Variants in KBTBD7 observed in about 807,000 individuals in gnomAD.
KBTBD7 encodes kelch repeat and BTB domain containing 7, also known as kelch repeat and BTB domain-containing protein 7.
In KBTBD7, 25 loss-of-function variants were observed where a neutral mutation model predicts 50.3. The ratio of observed to expected loss-of-function variants is 0.50; its 90% CI spans 0.36 to 0.69. KBTBD7 has a LOEUF of 0.69. Ranked by LOEUF, KBTBD7 falls within the 30% of genes least tolerant of loss-of-function variation. The pLI, the probability that KBTBD7 is intolerant of heterozygous loss-of-function variation, is 0.00. For missense variants in KBTBD7, 653 were observed against 869.5 expected, an observed-to-expected ratio of 0.75 and a Z score of 3.13; for synonymous variants, 305 against 325.3, an observed-to-expected ratio of 0.94 and a Z score of 0.67.
Position 41,191,970 on chromosome 13 carries a change from C to T in KBTBD7, c.*233G>A. The T allele has an allele frequency of 2.4e-6, 1 of 419,082 alleles. No homozygotes were observed. The highest frequency in any genetic ancestry group is 4.2e-6 in the Non-Finnish European group (1 of 236,986). 26.0% of individuals were successfully genotyped at this position (419,082 alleles called of 1,614,324 possible). On this transcript the variant is annotated 3_prime_UTR_variant, in exon 1 of 1. Transcript: ENST00000379483. ...ACAATGAAAAAAACCTACCAAGCATCCTAATCAATTATATAGTTCTTGCTT... is the reference window on the plus strand; with the variant it reads ...ACAATGAAAAAAACCTACCAAGCATTCTAATCAATTATATAGTTCTTGCTT...
chr13:41,194,079 C>T lies in KBTBD7; in HGVS notation c.179G>A (p.Arg60Gln), dbSNP rs760952920. The T allele has an allele frequency of 3.7e-6, 6 of 1,614,194 alleles. No homozygotes were observed. In the Admixed American group the frequency reaches 5.0e-5, roughly 13 times the overall value. Reference sequence around the variant, plus strand: ...CTCGATGGTCACATCACACAGCAGCCGCGCGTCGTAGAAGGACTTGAGCTG... The same window carrying T: ...CTCGATGGTCACATCACACAGCAGCTGCGCGTCGTAGAAGGACTTGAGCTG... ...LAQLKSFYDA[R>Q]LLCDVTIEVV... The change falls in exon 1 of 1, where the codon CGG (arginine) becomes CAG (glutamine). Residue 60 changes from arginine (R) to glutamine (Q), a missense_variant. Arg to Gln is a conservative substitution (Grantham distance 43). Coordinates refer to ENST00000379483, the MANE Select transcript of KBTBD7 (RefSeq NM_032138.7).
In KBTBD7 at chr13:41,193,466, G is replaced by C. The variant is rs762895578; in HGVS notation, c.792C>G (p.Cys264Trp). Residue 264 changes from cysteine (C) to tryptophan (W), a missense_variant, in exon 1 of 1, where the codon TGC becomes TGG. Coordinates refer to ENST00000379483, the MANE Select transcript of KBTBD7 (RefSeq NM_032138.7). This position sits in a 1 kb window ranked among gnomAD's most constrained non-coding sequence, Gnocchi z 5.7. ...CTTCAGTGAAGTGCATCCAGCGCAC[G>C]CACTTGAAGACTTCTGCAGCACTGG... ...RGPSAAEVFK[C>W]VRWMHFTEED... is the part of the protein sequence containing the mutation. The C allele has an allele frequency of 6.2e-7, 1 of 1,614,130 alleles. No homozygotes were observed. Among genetic ancestry groups the C allele is most frequent in the South Asian group, 1.1e-5 (1 of 91,072 alleles).
chr13:41,191,949 T>C lies in KBTBD7; in HGVS notation c.*254A>G, dbSNP rs1331913044. ...CACTGTGCAATGAATATTTGAACAATGAAAAAAACCTACCAAGCATCCTAA... is the reference window on the plus strand; with the variant it reads ...CACTGTGCAATGAATATTTGAACAACGAAAAAAACCTACCAAGCATCCTAA... On this transcript the variant is annotated 3_prime_UTR_variant, in exon 1 of 1. Coordinates refer to ENST00000379483, the MANE Select transcript of KBTBD7 (RefSeq NM_032138.7). 2 of 382,416 alleles carry C rather than the reference T, an allele frequency of 5.2e-6. No homozygotes were observed. The highest frequency in any genetic ancestry group is 2.1e-5 in the African/African-American group (1 of 48,738). 23.7% of individuals were successfully genotyped at this position (382,416 alleles called of 1,614,324 possible).
Position 41,190,702 on chromosome 13 carries a change from A to C in KBTBD7, c.*1501T>G, listed in dbSNP as rs763933471. 1.3e-5 allele frequency: 2 copies of C among 152,090 alleles called. No homozygotes were observed. The highest frequency in any genetic ancestry group is 2.9e-5 in the Non-Finnish European group (2 of 67,960). The allele number at this position is 152,090 out of a possible 1,614,324, so 9.4% of individuals were successfully genotyped here. ...AAACCTTCAAAAGGTAAGCACCTAT[A>C]TTTTCTTGTAATTAACAATTTTAGT... On this transcript the variant is annotated 3_prime_UTR_variant, in exon 1 of 1. Coordinates refer to ENST00000379483, the MANE Select transcript of KBTBD7 (RefSeq NM_032138.7).
Position 41,194,252 on chromosome 13 carries a change from C to T in KBTBD7, c.6G>A (p.Gln2=). ...GAGAGCGCGGGACGTCTTCCCGGGA[C>T]TGCATGGTGGAGATGGCGACGGGCG... M[Q]SREDVPRSRR... is the part of the protein sequence containing the mutation. The change falls in exon 1 of 1, where the codon CAG becomes CAA. Residue 2 remains glutamine, a synonymous_variant. Transcript: ENST00000379483. 1 of 1,613,408 alleles carries T rather than the reference C, an allele frequency of 6.2e-7. No homozygotes were observed. Among genetic ancestry groups the T allele is most frequent in the South Asian group, 1.1e-5 (1 of 91,058 alleles).
At position 41,194,463 on chromosome 13, in the gene KBTBD7, G is replaced by T. The variant is rs2031482763; in HGVS notation, c.-206C>A. 4 of 675,558 alleles carry T rather than the reference G, an allele frequency of 5.9e-6. No individual in the cohort carries two copies. Among genetic ancestry groups the T allele is most frequent in the Non-Finnish European group, 9.9e-6 (4 of 404,654 alleles). The allele number at this position is 675,558 out of a possible 1,614,324, so 41.8% of individuals were successfully genotyped here. A position where few individuals can be genotyped will look rare whatever the true frequency, so the allele number is the denominator to read the frequency against. On this transcript the variant is annotated 5_prime_UTR_variant, in exon 1 of 1. Transcript: ENST00000379483. ...GGCTGACTCACCCTCTCTCACTCCC[G>T]CGCCCTTTCTCCGCCTCCGCTCGCC...
Position 41,192,886 on chromosome 13 carries a change from T to C in KBTBD7, c.1372A>G (p.Ser458Gly). ...GVKLKEVECY[S>G]VQRNQWALVA... Reference sequence around the variant, plus strand: ...AATGCCCACTGGTTTCTCTGAACACTGTAGCATTCCACTTCCTTCAACTTA... The same window carrying C: ...AATGCCCACTGGTTTCTCTGAACACCGTAGCATTCCACTTCCTTCAACTTA... Residue 458 changes from serine to glycine, a missense_variant, in exon 1 of 1, where the codon AGT becomes GGT. Ser to Gly is a moderately conservative substitution (Grantham distance 56, BLOSUM62 0). Coordinates refer to ENST00000379483, the MANE Select transcript of KBTBD7 (RefSeq NM_032138.7). The C allele has an allele frequency of 1.2e-6, 2 of 1,614,242 alleles. No individual in the cohort carries two copies. Among genetic ancestry groups the C allele is most frequent in the Non-Finnish European group, 1.7e-6 (2 of 1,180,046 alleles).
rs918417085 is a variant in KBTBD7, at chr13:41,190,284, G to A, written c.*1919C>T. The A allele has an allele frequency of 1.3e-5, 2 of 152,142 alleles. No homozygotes were observed. Among genetic ancestry groups the A allele is most frequent in the African/African-American group, 4.8e-5 (2 of 41,426 alleles). The allele number at this position is 152,142 out of a possible 1,614,324, so 9.4% of individuals were successfully genotyped here. The stretch of plus-strand genomic sequence containing the variant: ...ATTTAGCTTTAGGTCACTAAAGCAT[G>A]TTTACCCTTTTGAAGAAACATGTAT... On this transcript the variant is annotated 3_prime_UTR_variant, in exon 1 of 1. Transcript: ENST00000379483.
Position 41,192,111 on chromosome 13 carries a change from C to G in KBTBD7, c.*92G>C, listed in dbSNP as rs1270746599. ...ACCCTTTCTAAACCAAATCTGTGGT[C>G]CTAATCAACTTTTTTTCCAAGAAAA... On this transcript the variant is annotated 3_prime_UTR_variant, in exon 1 of 1. Transcript: ENST00000379483. The G allele has an allele frequency of 1.6e-6, 2 of 1,286,770 alleles. No individual in the cohort carries two copies. Among genetic ancestry groups the G allele is most frequent in the East Asian group, 4.6e-5 (2 of 43,142 alleles). 79.7% of individuals were successfully genotyped at this position (1,286,770 alleles called of 1,614,324 possible). A position where few individuals can be genotyped will look rare whatever the true frequency, so the allele number is the denominator to read the frequency against.
chr13:41,193,174 A>G lies in KBTBD7; in HGVS notation c.1084T>C (p.Tyr362His), dbSNP rs749958904. 1.6e-5 allele frequency: 26 copies of G among 1,614,168 alleles called. No individual in the cohort carries two copies. The highest frequency in any genetic ancestry group is 2.2e-5 in the Non-Finnish European group (26 of 1,180,022). ...PRDPFLCYDP[Y>H]SGDIYTMPSP... Reference sequence around the variant, plus strand: ...GGCATTGTGTAAATGTCCCCCGAGTAAGGGTCATAGCAGAGAAAGGGATCT... The same window carrying G: ...GGCATTGTGTAAATGTCCCCCGAGTGAGGGTCATAGCAGAGAAAGGGATCT... The change falls in exon 1 of 1, where the codon TAC (tyrosine) becomes CAC (histidine). Residue 362 changes from tyrosine to histidine, a missense_variant. Transcript: ENST00000379483. This position sits in a 1 kb window ranked among gnomAD's most constrained non-coding sequence, Gnocchi z 5.7.
chr13:41,192,456 A>G lies in KBTBD7; in HGVS notation c.1802T>C (p.Met601Thr). The G allele has an allele frequency of 6.2e-7, 1 of 1,614,182 alleles. No homozygotes were observed. Among genetic ancestry groups the G allele is most frequent in the East Asian group, 2.2e-5 (1 of 44,882 alleles). The change falls in exon 1 of 1, where the codon ATG (methionine) becomes ACG (threonine). Residue 601 changes from methionine to threonine, a missense_variant. By Grantham distance (81) the Met-to-Thr change is moderately conservative (BLOSUM62 -1). Transcript: ENST00000379483. ...REDQWINIGT[M>T]LGLLQFDSGF... ...AGAGTCAAACTGCAAAAGGCCTAAC[A>G]TGGTACCTATATTAATCCACTGATC...
At position 41,190,428 on chromosome 13, in the gene KBTBD7, T is replaced by A. The variant is rs2031357541; in HGVS notation, c.*1775A>T. 1 of 152,196 alleles carries A rather than the reference T, an allele frequency of 6.6e-6. No homozygotes were observed. Among genetic ancestry groups the A allele is most frequent in the Admixed American group, 6.5e-5 (1 of 15,280 alleles). The allele number at this position is 152,196 out of a possible 1,614,324, so 9.4% of individuals were successfully genotyped here. A position where few individuals can be genotyped will look rare whatever the true frequency, so the allele number is the denominator to read the frequency against. ...GTTTTTTTGTTTGTTTGTTTTTTCA[T>A]CCTTTCTCTTTCCTTTTCGTTCAAA... On this transcript the variant is annotated 3_prime_UTR_variant, in exon 1 of 1. Coordinates refer to ENST00000379483, the MANE Select transcript of KBTBD7 (RefSeq NM_032138.7).
At position 41,194,365 on chromosome 13, in the gene KBTBD7, G is replaced by A; in HGVS notation, c.-108C>T. 1 of 1,432,672 alleles carries A rather than the reference G, an allele frequency of 7.0e-7. No homozygotes were observed. Among genetic ancestry groups the A allele is most frequent in the South Asian group, 1.4e-5 (1 of 72,876 alleles). 88.7% of individuals were successfully genotyped at this position (1,432,672 alleles called of 1,614,324 possible). On this transcript the variant is annotated 5_prime_UTR_variant, in exon 1 of 1. Transcript: ENST00000379483. ...CTAAGACAAGCCGCGTCCTGGAACA[G>A]ACTGCGGCACGGGCCGCACTTCTGA...
rs1480391510 is a variant in KBTBD7 at position 41,192,751 on chromosome 13, T to C, written c.1507A>G (p.Met503Val). The change falls in exon 1 of 1, where the codon ATG becomes GTG. Residue 503 changes from methionine to valine, a missense_variant. By Grantham distance (21) the Met-to-Val change is conservative (BLOSUM62 1). This residue lies in a region of KBTBD7 where 526 missense variants were observed against 717.1 expected (regional missense o/e 0.73). Coordinates refer to ENST00000379483, the MANE Select transcript of KBTBD7 (RefSeq NM_032138.7). Reference protein sequence around the residue: ...RMLCYDPSHNMWLNCASLKRS... With the variant: ...RMLCYDPSHNVWLNCASLKRS... ...TTAAGAGAAGCACAGTTCAGCCACA[T>C]ATTGTGGCTAGGATCATAGCAAAGC... 6.2e-7 allele frequency: 1 copy of C among 1,613,900 alleles called. No individual in the cohort carries two copies. Among genetic ancestry groups the C allele is most frequent in the East Asian group, 2.2e-5 (1 of 44,886 alleles).
At position 41,193,583 on chromosome 13, in the gene KBTBD7, G is replaced by A. The variant is rs1430713859; in HGVS notation, c.675C>T (p.Val225=). The A allele has an allele frequency of 2.5e-6, 4 of 1,614,110 alleles. No homozygotes were observed. The African/African-American group carries it at 4.0e-5, about 16-fold the overall frequency. ...ADLTLAQLLA[V]LRLDSLDIES... The stretch of plus-strand genomic sequence containing the variant: ...CTATGTCCAGACTATCCAGGCGTAG[G>A]ACAGCCAGCAGCTGGGCCAGGGTTA... The change falls in exon 1 of 1, where the codon GTC becomes GTT. Residue 225 remains valine, a synonymous_variant. Transcript: ENST00000379483. The surrounding 1 kb of genome is among the most constrained non-coding windows in gnomAD (Gnocchi z 5.7).
In KBTBD7 at chr13:41,193,110, G is replaced by T. The variant is rs140042626; in HGVS notation, c.1148C>A (p.Thr383Asn). Residue 383 changes from threonine to asparagine, a missense_variant, in exon 1 of 1, where the codon ACC (threonine) becomes AAC (asparagine). Physicochemically the swap from Thr to Asn is moderately conservative, Grantham distance 65 (BLOSUM62 0). Around this residue, in one of 3 missense-constraint regions of KBTBD7, gnomAD observed 526 missense variants for 717.1 expected, o/e 0.73. Coordinates refer to ENST00000379483, the MANE Select transcript of KBTBD7 (RefSeq NM_032138.7). This position sits in a 1 kb window ranked among gnomAD's most constrained non-coding sequence, Gnocchi z 5.7. ...LTSFAHTKTV[T>N]SSAVCVSPDH... ...TGGGGACACACAGACAGCTGAGGAGGTGACAGTCTTAGTGTGAGCAAAGCT... is the reference window on the plus strand; with the variant it reads ...TGGGGACACACAGACAGCTGAGGAGTTGACAGTCTTAGTGTGAGCAAAGCT... The T allele has an allele frequency of 4.3e-6, 7 of 1,614,102 alleles. No individual in the cohort carries two copies. The Admixed American group carries it at 5.0e-5, about 12-fold the overall frequency.
chr13:41,193,000 C>G lies in KBTBD7; in HGVS notation c.1258G>C (p.Asp420His). 1 of 1,614,210 alleles carries G rather than the reference C, an allele frequency of 6.2e-7. No homozygotes were observed. The highest frequency in any genetic ancestry group is 8.5e-7 in the Non-Finnish European group (1 of 1,180,046). Residue 420 changes from aspartate to histidine, a missense_variant, in exon 1 of 1, where the codon GAT becomes CAT. Asp to His is a moderately conservative substitution (Grantham distance 81, BLOSUM62 -1). Transcript: ENST00000379483. ...PAQNSWQQLADRLLCREGMDV... is the reference protein window; with the variant it reads ...PAQNSWQQLAHRLLCREGMDV... ...ATGCCCTCACGACACAGCAAGCGAT[C>G]TGCAAGTTGCTGCCAACTATTCTGA... is the stretch of plus-strand genomic sequence containing the variant.
chr13:41,191,395 T>G lies in KBTBD7; in HGVS notation c.*808A>C, dbSNP rs2031379127. On this transcript the variant is annotated 3_prime_UTR_variant, in exon 1 of 1. Coordinates refer to ENST00000379483, the MANE Select transcript of KBTBD7 (RefSeq NM_032138.7). The stretch of plus-strand genomic sequence containing the variant: ...AACATAAAAAGCAAGTTACCGTTTT[T>G]TTTTTTTTTTTTGGTTTAGAAGGGT... 1 of 151,354 alleles carries G rather than the reference T, an allele frequency of 6.6e-6. No homozygotes were observed. Among genetic ancestry groups the G allele is most frequent in the African/African-American group, 2.4e-5 (1 of 41,354 alleles). The allele number at this position is 151,354 out of a possible 1,614,324, so 9.4% of individuals were successfully genotyped here.
At position 41,194,374 on chromosome 13, in the gene KBTBD7, A is replaced by T; in HGVS notation, c.-117T>A. ...GCCGCGTCCTGGAACAGACTGCGGC[A>T]CGGGCCGCACTTCTGAATTCAGCCC... On this transcript the variant is annotated 5_prime_UTR_variant, in exon 1 of 1. Coordinates refer to ENST00000379483, the MANE Select transcript of KBTBD7 (RefSeq NM_032138.7). 3 of 1,348,438 alleles carry T rather than the reference A, an allele frequency of 2.2e-6. No homozygotes were observed. The highest frequency in any genetic ancestry group is 3.0e-6 in the Non-Finnish European group (3 of 994,928). The allele number at this position is 1,348,438 out of a possible 1,614,324, so 83.5% of individuals were successfully genotyped here.
Sources: gnomAD v4.1 joint callset for allele counts on GRCh38, gnomAD v4.1.1 for gene constraint, gnomAD v4.1.1 regional missense constraint, Gnocchi (gnomAD v3.1) non-coding constraint, MANE v1.5 for transcripts, NCBI Gene and HGNC (gene_info 2026-07-23, HGNC 2026-07-21) for gene names.